Variants in VPS18 observed in about 807,000 individuals in gnomAD.
The protein encoded by VPS18 is vacuolar protein sorting-associated protein 18 homolog.
A neutral mutation model predicts 82.0 loss-of-function variants in VPS18; 25 were observed. That is an observed-to-expected ratio of 0.30 (90% CI 0.22 to 0.43). The LOEUF (loss-of-function observed/expected upper bound fraction) is 0.43. Among genes scored for constraint, VPS18 ranks in the 20% least tolerant of loss-of-function variants. The pLI is 1.00. For missense variants in VPS18, 1,168 were observed against 1,311.1 expected (o/e 0.89, Z 1.69); for synonymous variants, 523 against 543.0 (o/e 0.96, Z 0.51).
chr15:40,902,747 C>G lies in VPS18; in HGVS notation c.2328C>G (p.Cys776Trp). 6.2e-7 allele frequency: 1 copy of G among 1,614,274 alleles called. No individual in the cohort carries two copies. Residue 776 changes from cysteine (C) to tryptophan (W), a missense_variant, in exon 5 of 5, where the codon TGC becomes TGG. Cys to Trp is a radical substitution (Grantham distance 215). Transcript: ENST00000220509. This position sits in a 1 kb window ranked among gnomAD's most constrained non-coding sequence, Gnocchi z 4.2. ...AAGATGTACAGACAGCCATGGCTTGCCTGGCTAGCTGCCCCTTGCTCAAGA... is the reference window on the plus strand; with the variant it reads ...AAGATGTACAGACAGCCATGGCTTGGCTGGCTAGCTGCCCCTTGCTCAAGA... ...EEEDVQTAMA[C>W]LASCPLLKIE...
In VPS18 at chr15:40,903,359, T is replaced by TG. The variant is rs1336076331; in HGVS notation, c.*24dup. 3.9e-6 allele frequency: 6 copies of TG among 1,520,856 alleles called. No individual in the cohort carries two copies. The highest frequency in any genetic ancestry group is 2.3e-5 in the East Asian group (1 of 43,992). 94.2% of individuals were successfully genotyped at this position (1,520,856 alleles called of 1,614,324 possible). A position where few individuals can be genotyped will look rare whatever the true frequency, so the allele number is the denominator to read the frequency against. On this transcript the variant is annotated 3_prime_UTR_variant, in exon 5 of 5. Coordinates refer to ENST00000220509, the MANE Select transcript of VPS18 (RefSeq NM_020857.3). ...GGCTGTAGGAGGGTGTCACCTTTGA[T>TG]GGGGGGTGGGCAATGGGGAGCAGTG... is the stretch of plus-strand genomic sequence containing the variant.
rs772439787 is a variant in VPS18, at chr15:40,903,302, C to T, written c.2883C>T (p.Asp961=). The part of the protein sequence containing the change: ...MIRSIDRPFI[D]PQRYEEEQLS... Reference sequence around the variant, plus strand: ...GCTCTATCGACCGGCCGTTCATCGACCCCCAGCGCTACGAGGAGGAGCAGC... The same window carrying T: ...GCTCTATCGACCGGCCGTTCATCGATCCCCAGCGCTACGAGGAGGAGCAGC... Residue 961 remains aspartate (D), a synonymous_variant, in exon 5 of 5, where the codon GAC becomes GAT. Transcript: ENST00000220509. 24 of 1,557,756 alleles carry T rather than the reference C, an allele frequency of 1.5e-5. No individual in the cohort carries two copies. Among genetic ancestry groups the T allele is most frequent in the African/African-American group, 6.8e-5 (5 of 73,200 alleles).
rs1415807100 is a variant in VPS18 at position 40,894,548 on chromosome 15, C to T, written c.-221C>T. Reference sequence around the variant, plus strand: ...CGGGGGCGGGGAGTAAGGTGCAAGACTGCGCCAGATTCAAGGACGAGGGCT... The same window carrying T: ...CGGGGGCGGGGAGTAAGGTGCAAGATTGCGCCAGATTCAAGGACGAGGGCT... On this transcript the variant is annotated 5_prime_UTR_variant, in exon 1 of 5. Transcript: ENST00000220509. 2.1e-6 allele frequency: 1 copy of T among 479,766 alleles called. No homozygotes were observed. Among genetic ancestry groups the T allele is most frequent in the South Asian group, 3.1e-5 (1 of 31,902 alleles). The allele number at this position is 479,766 out of a possible 1,614,324, so 29.7% of individuals were successfully genotyped here. A position where few individuals can be genotyped will look rare whatever the true frequency, so the allele number is the denominator to read the frequency against.
In VPS18 at chr15:40,899,292, C is replaced by G. The variant is rs758295061; in HGVS notation, c.474C>G (p.Gly158=). Residue 158 remains glycine, a synonymous_variant, in exon 4 of 5, where the codon GGC becomes GGG. Transcript: ENST00000220509. The surrounding 1 kb of genome is among the most constrained non-coding windows in gnomAD (Gnocchi z 4.4). ...NKALGTESST[G]PILVGTAQGH... ...CACTGGGCACGGAGAGCAGCACAGG[C>G]CCCATCCTGGTCGGGACTGCCCAAG... The G allele has an allele frequency of 6.2e-7, 1 of 1,614,204 alleles. No individual in the cohort carries two copies. Among genetic ancestry groups the G allele is most frequent in the South Asian group, 1.1e-5 (1 of 91,082 alleles).
chr15:40,903,128 G>A lies in VPS18; in HGVS notation c.2709G>A (p.Gly903=). The change falls in exon 5 of 5, where the codon GGG becomes GGA. Residue 903 remains glycine (G), a synonymous_variant. Coordinates refer to ENST00000220509, the MANE Select transcript of VPS18 (RefSeq NM_020857.3). The part of the protein sequence containing the change: ...ARLEELQRKL[G]AAPPPAKGSA... The stretch of plus-strand genomic sequence containing the variant: ...TGGAGGAGCTGCAGAGGAAGCTGGG[G>A]GCTGCTCCACCCCCAGCCAAGGGCT... The A allele has an allele frequency of 6.2e-7, 1 of 1,610,398 alleles. No homozygotes were observed. Among genetic ancestry groups the A allele is most frequent in the Non-Finnish European group, 8.5e-7 (1 of 1,178,242 alleles).
chr15:40,900,948 C>T lies in VPS18; in HGVS notation c.2130C>T (p.His710=). The T allele has an allele frequency of 5.6e-6, 9 of 1,612,414 alleles. No individual in the cohort carries two copies. The highest frequency in any genetic ancestry group is 7.6e-6 in the Non-Finnish European group (9 of 1,180,028). ...GGCTCTGCGCCGAGCATGGCCACCA[C>T]CGCGCTTGTGTCCATGTCTACAAGG... ...ALRLCAEHGH[H]RACVHVYKVL... Residue 710 remains histidine (H), a synonymous_variant, in exon 4 of 5, where the codon CAC becomes CAT. Coordinates refer to ENST00000220509, the MANE Select transcript of VPS18 (RefSeq NM_020857.3). The surrounding 1 kb of genome is among the most constrained non-coding windows in gnomAD (Gnocchi z 5.4).
Position 40,899,119 on chromosome 15 carries a change from G to A in VPS18, c.326-25G>A, listed in dbSNP as rs1300363960. Reference sequence around the variant, plus strand: ...AGGATGGGAACGGCAGCATCCACTGGGGCGCCATGCTCTCCCCACTCCAGG... The same window carrying A: ...AGGATGGGAACGGCAGCATCCACTGAGGCGCCATGCTCTCCCCACTCCAGG... On this transcript the variant is annotated intron_variant, in intron 3 of 4. Coordinates refer to ENST00000220509, the MANE Select transcript of VPS18 (RefSeq NM_020857.3). The surrounding 1 kb of genome is among the most constrained non-coding windows in gnomAD (Gnocchi z 4.4). 2 of 1,605,890 alleles carry A rather than the reference G, an allele frequency of 1.2e-6. No individual in the cohort carries two copies. Among genetic ancestry groups the A allele is most frequent in the Non-Finnish European group, 1.7e-6 (2 of 1,174,194 alleles).
In VPS18 at chr15:40,899,723, C is replaced by G. The variant is rs752138511; in HGVS notation, c.905C>G (p.Pro302Arg). 1.2e-6 allele frequency: 2 copies of G among 1,613,980 alleles called. No homozygotes were observed. The highest frequency in any genetic ancestry group is 2.7e-5 in the African/African-American group (2 of 75,066). ...TATGGGGCATTGGACTGTGGGCGCCCTGACTCTCTGCTGAGCGAGGAGCGA... is the reference window on the plus strand; with the variant it reads ...TATGGGGCATTGGACTGTGGGCGCCGTGACTCTCTGCTGAGCGAGGAGCGA... The part of the protein sequence containing the change: ...VLYGALDCGR[P>R]DSLLSEERVW... Residue 302 changes from proline (P) to arginine (R), a missense_variant, in exon 4 of 5, where the codon CCT becomes CGT. Physicochemically the swap from Pro to Arg is moderately radical, Grantham distance 103. Transcript: ENST00000220509. This position sits in a 1 kb window ranked among gnomAD's most constrained non-coding sequence, Gnocchi z 4.4.
chr15:40,902,940 C>T lies in VPS18; in HGVS notation c.2521C>T (p.Arg841Trp), dbSNP rs754398084. 5 of 1,614,144 alleles carry T rather than the reference C, an allele frequency of 3.1e-6. No individual in the cohort carries two copies. Among genetic ancestry groups the T allele is most frequent in the East Asian group, 2.2e-5 (1 of 44,900 alleles). ...CATCCGGCGAGACCTGCAGGAGCTG[C>T]GGGGCCGCTACGGCACTGTGGAGCC... Reference protein sequence around the residue: ...QRIRRDLQELRGRYGTVEPQD... With the variant: ...QRIRRDLQELWGRYGTVEPQD... Residue 841 changes from arginine to tryptophan, a missense_variant, in exon 5 of 5, where the codon CGG (arginine) becomes TGG (tryptophan). Coordinates refer to ENST00000220509, the MANE Select transcript of VPS18 (RefSeq NM_020857.3). The surrounding 1 kb of genome is among the most constrained non-coding windows in gnomAD (Gnocchi z 4.2).
Position 40,899,592 on chromosome 15 carries a change from C to G in VPS18, c.774C>G (p.Phe258Leu), listed in dbSNP as rs563003774. 1.2e-6 allele frequency: 2 copies of G among 1,609,064 alleles called. No homozygotes were observed. The highest frequency in any genetic ancestry group is 2.2e-5 in the East Asian group (1 of 44,880). The change falls in exon 4 of 5, where the codon TTC (phenylalanine) becomes TTG (leucine). Residue 258 changes from phenylalanine to leucine, a missense_variant. Physicochemically the swap from Phe to Leu is conservative, Grantham distance 22. Transcript: ENST00000220509. The surrounding 1 kb of genome is among the most constrained non-coding windows in gnomAD (Gnocchi z 4.4). Reference sequence around the variant, plus strand: ...CTTACACGGACCACCCACCCCCATTCCGTGAGTTTCCCAGCAACCTGGGCT... The same window carrying G: ...CTTACACGGACCACCCACCCCCATTGCGTGAGTTTCCCAGCAACCTGGGCT... ...FAAYTDHPPP[F>L]REFPSNLGYS... is the part of the protein sequence containing the mutation.
Position 40,903,080 on chromosome 15 carries a change from G to A in VPS18, c.2661G>A (p.Leu887=). 6.2e-7 allele frequency: 1 copy of A among 1,614,044 alleles called. No individual in the cohort carries two copies. The highest frequency in any genetic ancestry group is 1.3e-5 in the African/African-American group (1 of 75,066). ...TGCTGCAGGCTGTGCGACCTGGCCTGCCAGCCTACAAGCAGGCCCGGCTGG... is the reference window on the plus strand; with the variant it reads ...TGCTGCAGGCTGTGCGACCTGGCCTACCAGCCTACAAGCAGGCCCGGCTGG... ...DCLLQAVRPG[L]PAYKQARLEE... The change falls in exon 5 of 5, where the codon CTG becomes CTA. Residue 887 remains leucine (L), a synonymous_variant. Transcript: ENST00000220509.
rs1892384292 is a variant in VPS18 at position 40,902,895 on chromosome 15, G to T, written c.2476G>T (p.Ala826Ser). ...IQELQREMEE[A>S]TASAQRIRRD... ...GGAGCTGCAGCGGGAGATGGAAGAG[G>T]CTACAGCCAGTGCCCAGCGCATCCG... Residue 826 changes from alanine (A) to serine (S), a missense_variant, in exon 5 of 5, where the codon GCT becomes TCT. Coordinates refer to ENST00000220509, the MANE Select transcript of VPS18 (RefSeq NM_020857.3). This position sits in a 1 kb window ranked among gnomAD's most constrained non-coding sequence, Gnocchi z 4.2. The T allele has an allele frequency of 6.2e-7, 1 of 1,614,146 alleles. No homozygotes were observed. Among genetic ancestry groups the T allele is most frequent in the Admixed American group, 1.7e-5 (1 of 60,014 alleles).
In VPS18 at chr15:40,903,142, C is replaced by CA. The variant is rs1892392611; in HGVS notation, c.2724dup (p.Ala909SerfsTer27). The CA allele has an allele frequency of 6.2e-7, 1 of 1,607,778 alleles. No individual in the cohort carries two copies. The highest frequency in any genetic ancestry group is 1.3e-5 in the African/African-American group (1 of 74,774). On this transcript the variant is annotated frameshift_variant, in exon 5 of 5. Transcript: ENST00000220509. LOFTEE classifies it high-confidence loss of function. ...AGGAAGCTGGGGGCTGCTCCACCCC[C>CA]AGCCAAGGGCTCTGCCCGGGCCAAG...
rs765918228 is a variant in VPS18, at chr15:40,899,955, G to T, written c.1137G>T (p.Trp379Cys). 1 of 1,613,908 alleles carries T rather than the reference G, an allele frequency of 6.2e-7. No individual in the cohort carries two copies. Among genetic ancestry groups the T allele is most frequent in the Non-Finnish European group, 8.5e-7 (1 of 1,180,042 alleles). The change falls in exon 4 of 5, where the codon TGG becomes TGT. Residue 379 changes from tryptophan to cysteine, a missense_variant. Trp to Cys is a radical substitution (Grantham distance 215, BLOSUM62 -2). Coordinates refer to ENST00000220509, the MANE Select transcript of VPS18 (RefSeq NM_020857.3). This position sits in a 1 kb window ranked among gnomAD's most constrained non-coding sequence, Gnocchi z 4.4. ...AGGACTCCTCCACAGGCCAGCTGTGGGCCTACACTGAGCGGGCTGTCTTCC... is the reference window on the plus strand; with the variant it reads ...AGGACTCCTCCACAGGCCAGCTGTGTGCCTACACTGAGCGGGCTGTCTTCC... ...MVKDSSTGQL[W>C]AYTERAVFRY... is the part of the protein sequence containing the mutation.
chr15:40,894,613 C>A lies in VPS18; in HGVS notation c.-156C>A, dbSNP rs944270567. 1.6e-6 allele frequency: 1 copy of A among 629,382 alleles called. No homozygotes were observed. Among genetic ancestry groups the A allele is most frequent in the Admixed American group, 3.3e-5 (1 of 30,326 alleles). 39.0% of individuals were successfully genotyped at this position (629,382 alleles called of 1,614,324 possible). On this transcript the variant is annotated 5_prime_UTR_variant, in exon 1 of 5. Transcript: ENST00000220509. Reference sequence around the variant, plus strand: ...CTGCATAAGGCAAGAGCAAGAGGATCCTCAGGATTTTAAAGAGGAGGCGAC... The same window carrying A: ...CTGCATAAGGCAAGAGCAAGAGGATACTCAGGATTTTAAAGAGGAGGCGAC...
rs1232240246 is a variant in VPS18, at chr15:40,903,725, G to GC, written c.*385dup. 5.9e-6 allele frequency: 1 copy of GC among 168,510 alleles called. No homozygotes were observed. Among genetic ancestry groups the GC allele is most frequent in the Non-Finnish European group, 1.3e-5 (1 of 79,498 alleles). The allele number at this position is 168,510 out of a possible 1,614,324, so 10.4% of individuals were successfully genotyped here. A position where few individuals can be genotyped will look rare whatever the true frequency, so the allele number is the denominator to read the frequency against. Reference sequence around the variant, plus strand: ...CACCTTTCTTCCGTCTGTTCACTCTGCGGCCTCTGGAATCCCAGCTCTTCT... The same window carrying GC: ...CACCTTTCTTCCGTCTGTTCACTCTGCCGGCCTCTGGAATCCCAGCTCTTCT... On this transcript the variant is annotated 3_prime_UTR_variant, in exon 5 of 5. Transcript: ENST00000220509.
In VPS18 at chr15:40,894,750, A is replaced by G. The variant is rs558339998; in HGVS notation, c.-19A>G. 6.9e-4 allele frequency: 1,059 copies of G among 1,539,726 alleles called. 11 individuals carry two copies. In the South Asian group the frequency reaches 0.012, roughly 17 times the overall value. On this transcript the variant is annotated 5_prime_UTR_variant, in exon 1 of 5. Transcript: ENST00000220509. Reference sequence around the variant, plus strand: ...TGTAATCCCCAGGCCCCGGACAAAGAGCCCAGAGGCCGGGCACCATGGCGT... The same window carrying G: ...TGTAATCCCCAGGCCCCGGACAAAGGGCCCAGAGGCCGGGCACCATGGCGT...
chr15:40,897,046 A>G (rs1892241283), intron 2 of VPS18, among the ~76,000 whole-genome samples: 2 of 152,312 alleles, frequency 1.3e-5, no homozygotes, highest in East Asian at 3.9e-4. Flanking sequence ...CTGTAATCCC[A>G]GCACTTTGGG....
rs767064607 is a variant in VPS18 at position 40,898,953 on chromosome 15, C to T, written c.280C>T (p.Arg94Cys). The change falls in exon 3 of 5, where the codon CGT (arginine) becomes TGT (cysteine). Residue 94 changes from arginine to cysteine, a missense_variant. By Grantham distance (180) the Arg-to-Cys change is radical. Coordinates refer to ENST00000220509, the MANE Select transcript of VPS18 (RefSeq NM_020857.3). ...ANEPNHVELG[R>C]KDDAKVHKMF... ...TGAGCCCAACCACGTGGAGCTGGGA[C>T]GTAAGGATGACGCAAAAGTTCACAA... The T allele has an allele frequency of 3.7e-6, 6 of 1,613,958 alleles. No individual in the cohort carries two copies. Among genetic ancestry groups the T allele is most frequent in the Admixed American group, 1.7e-5 (1 of 59,990 alleles).
Sources: gnomAD v4.1 joint callset for allele counts (sites outside exome capture counted in the v4.1 genomes callset) on GRCh38, gnomAD v4.1.1 for gene constraint, Gnocchi (gnomAD v3.1) non-coding constraint, MANE v1.5 for transcripts, NCBI Gene and HGNC (gene_info 2026-07-23, HGNC 2026-07-21) for gene names.